Variants in BMP5 observed in about 807,000 individuals in gnomAD.
The protein encoded by BMP5 is bone morphogenetic protein 5.
A neutral mutation model predicts 46.6 loss-of-function variants in BMP5; 23 were observed. The ratio of observed to expected loss-of-function variants is 0.49; its 90% CI spans 0.35 to 0.70. The LOEUF is 0.70. Among genes scored for constraint, BMP5 ranks in the 30% least tolerant of loss-of-function variants. BMP5 has a pLI of 0.00. For missense variants in BMP5, 545 were observed against 565.6 expected, an observed-to-expected ratio of 0.96 and a Z score of 0.37; for synonymous variants, 204 against 191.9, an observed-to-expected ratio of 1.06 and a Z score of -0.52.
intron 1 of BMP5, among the ~76,000 whole-genome samples, chr6:55,861,128 A>G (rs1417479649): frequency 2.0e-5 from 3 of 152,204 alleles, no homozygotes; most frequent in Admixed American, 2.0e-4. Context: ...AGCAGAAGTT[A>G]TCTGTCAGTT....
intron 1 of BMP5, among the ~76,000 whole-genome samples, chr6:55,830,966 CT>C (rs950810309): frequency 4.6e-5 from 7 of 151,426 alleles, no homozygotes; most frequent in East Asian, 1.9e-4. Flanking sequence ...GAAGTTTAGA[CT>C]TTTTTTTTCC....
intron 1 of BMP5, among the ~76,000 whole-genome samples, chr6:55,847,055 T>C (rs1199120881): frequency 6.6e-6 from 1 of 151,658 alleles, no homozygotes; most frequent in African/African-American, 2.4e-5. Context: ...GTCCCAAACA[T>C]TGTATACCCT....
intron 1 of BMP5, among the ~76,000 whole-genome samples, chr6:55,865,923 A>T (rs906462557): frequency 2.6e-5 from 4 of 152,162 alleles, no homozygotes; most frequent in Non-Finnish European, 5.9e-5. Flanking sequence ...CTGGCTCCAA[A>T]ACCCTAACAC....
intron 4 of BMP5, among the ~76,000 whole-genome samples, chr6:55,773,562 C>A (rs886944838): frequency 7.3e-5 from 11 of 150,620 alleles, no homozygotes; most frequent in Non-Finnish European, 1.6e-4. Context: ...TAATAGTCCT[C>A]CAAATAATGA....
At chr6:55,835,178 G>C (rs1776760978) in intron 1 of BMP5, among the ~76,000 whole-genome samples, 1 of 151,866 alleles carries the variant, frequency 6.6e-6, no homozygotes, top group Non-Finnish European at 1.5e-5. Context: ...AGCTTCATTA[G>C]CAGAAAAATA....
intron 4 of BMP5, among the ~76,000 whole-genome samples, chr6:55,768,137 C>T (rs1210089555): frequency 2.0e-5 from 3 of 151,812 alleles, no homozygotes; most frequent in Admixed American, 6.6e-5. Context: ...ATGGAAATAA[C>T]TTCAATTAAT....
At chr6:55,762,397 T>G (rs188143895) in intron 4 of BMP5, among the ~76,000 whole-genome samples, 10 of 152,156 alleles carry the variant, frequency 6.6e-5, no homozygotes, top group Non-Finnish European at 1.0e-4. Flanking sequence ...AAGTAATTAT[T>G]TGTTTAATGT....
chr6:55,835,731 C>T (rs1776778711), intron 1 of BMP5, among the ~76,000 whole-genome samples: 1 of 152,110 alleles, frequency 6.6e-6, no homozygotes, highest in Admixed American at 6.6e-5. Context: ...CCAACTATAG[C>T]CTACATTGTG....
At chr6:55,841,023 C>T (rs905796156) in intron 1 of BMP5, among the ~76,000 whole-genome samples, 7 of 152,148 alleles carry the variant, frequency 4.6e-5, no homozygotes, top group African/African-American at 7.2e-5. Context: ...GTCAAACCAG[C>T]AGAGCCATTA....
chr6:55,823,360 T>A (rs1279417912), intron 1 of BMP5, among the ~76,000 whole-genome samples: 1 of 152,048 alleles, frequency 6.6e-6, no homozygotes, highest in Non-Finnish European at 1.5e-5. Flanking sequence ...TTAATAAATA[T>A]TAATTGAATG....
intron 1 of BMP5, among the ~76,000 whole-genome samples, chr6:55,853,310 CTCTG>C (rs1386283417): frequency 6.6e-6 from 1 of 151,284 alleles, no homozygotes; most frequent in Non-Finnish European, 1.5e-5. Flanking sequence ...CTAGCTCTCT[CTCTG>C]TCTCTCTCCC....
chr6:55,799,386 AG>A (rs1321660192), intron 2 of BMP5, among the ~76,000 whole-genome samples: 2 of 152,312 alleles, frequency 1.3e-5, no homozygotes, highest in East Asian at 3.9e-4. Context: ...AAAAGGGGGA[AG>A]AAGAAAAAGA....
Position 55,829,854 on chromosome 6 carries a change from A to G in BMP5, c.491-10007T>C, listed in dbSNP as rs1006389999. Among the ~76,000 whole-genome samples the G allele has an allele frequency of 1.6e-4, 25 of 151,982 alleles. 1 individual carries two copies. On this transcript the variant is annotated intron_variant, in intron 1 of 6. Transcript: ENST00000370830. Reference sequence around the variant, plus strand: ...TCTATATTCTCATTGATTTTTTCTTATGCATATAAAAATATTCCACCAAAC... The same window carrying G: ...TCTATATTCTCATTGATTTTTTCTTGTGCATATAAAAATATTCCACCAAAC...
At chr6:55,796,754 G>T (rs550439582) in intron 2 of BMP5, among the ~76,000 whole-genome samples, 64 of 148,300 alleles carry the variant, frequency 4.3e-4, no homozygotes, top group African/African-American at 1.5e-3. Context: ...TGCGGTGTTT[G>T]GTTCTTTGTT....
intron 3 of BMP5, among the ~76,000 whole-genome samples, chr6:55,790,387 C>T (rs936421550): frequency 6.6e-6 from 1 of 152,178 alleles, no homozygotes; most frequent in African/African-American, 2.4e-5. Context: ...ATACAAGTCC[C>T]ATGACCTCAT....
At chr6:55,835,589 A>C (rs557273928) in intron 1 of BMP5, among the ~76,000 whole-genome samples, 1 of 152,218 alleles carries the variant, frequency 6.6e-6, no homozygotes, top group Non-Finnish European at 1.5e-5. Context: ...TGTTGTAGAC[A>C]GTACTGTTGT....
intron 1 of BMP5, among the ~76,000 whole-genome samples, chr6:55,853,333 TC>T (rs1777301425): frequency 7.8e-6 from 1 of 127,906 alleles, no homozygotes; most frequent in South Asian, 3.0e-4. Flanking sequence ...CCCCTCCCCC[TC>T]CCCCGCTTTC....
At chr6:55,762,595 G>A (rs979635597) in intron 4 of BMP5, among the ~76,000 whole-genome samples, 23 of 152,186 alleles carry the variant, frequency 1.5e-4, no homozygotes, top group Middle Eastern at 6.8e-3. Flanking sequence ...CTCCCTTGCA[G>A]CTAACTTTGT....
At chr6:55,824,403 C>T (rs1490804604) in intron 1 of BMP5, among the ~76,000 whole-genome samples, 1 of 151,826 alleles carries the variant, frequency 6.6e-6, no homozygotes, top group African/African-American at 2.4e-5. Context: ...AGAATCTTTA[C>T]CAGTATTTCC....
Sources: allele counts gnomAD v4.1 joint callset (sites outside exome capture counted in the v4.1 genomes callset), GRCh38; gene constraint gnomAD v4.1.1; transcripts MANE v1.5; gene names NCBI Gene and HGNC (gene_info 2026-07-23, HGNC 2026-07-21).